Variants in GLIS1 observed in about 807,000 individuals in gnomAD.
GLIS1 encodes the protein zinc finger protein GLIS1.
GLIS1 carries 24 observed loss-of-function variants against 63.8 expected under a neutral mutation model. The ratio of observed to expected loss-of-function variants is 0.38; its 90% CI spans 0.27 to 0.53. The LOEUF (loss-of-function observed/expected upper bound fraction) is 0.53. Ranked by LOEUF, GLIS1 falls within the 20% of genes least tolerant of loss-of-function variation. The pLI is 0.85. For synonymous variants in GLIS1, 450 were observed against 482.5 expected (o/e 0.93, Z 0.88); for missense variants, 1,036 against 1,074.1 (o/e 0.96, Z 0.50).
chr1:53,651,317 T>C (rs907121230), intron 2 of GLIS1, among the ~76,000 whole-genome samples: 2 of 152,258 alleles, frequency 1.3e-5, no homozygotes, highest in African/African-American at 2.4e-5. Context: ...TATTAAGCAG[T>C]TGGCCGTGAA....
intron 4 of GLIS1, among the ~76,000 whole-genome samples, chr1:53,573,297 C>T (rs1557457719): frequency 6.6e-6 from 1 of 152,110 alleles, no homozygotes; most frequent in African/African-American, 2.4e-5. Flanking sequence ...AGAGCTGAAA[C>T]CTATTTCAAT....
rs187416828 is a variant in GLIS1 at position 53,636,996 on chromosome 1, G to A, written c.260-36718C>T. Among the ~76,000 whole-genome samples, 12 of 152,360 alleles carry A rather than the reference G, an allele frequency of 7.9e-5. No individual in the cohort carries two copies. The East Asian group carries it at 1.4e-3, about 17-fold the overall frequency. Reference sequence around the variant, plus strand: ...TCACGTACAACAGGTCGCAGTGAGCGCTTGCTGCAGGACGTGAGGGTGACT... The same window carrying A: ...TCACGTACAACAGGTCGCAGTGAGCACTTGCTGCAGGACGTGAGGGTGACT... On this transcript the variant is annotated intron_variant, in intron 2 of 10. Transcript: ENST00000628545.
intron 2 of GLIS1, among the ~76,000 whole-genome samples, chr1:53,701,005 T>C (rs997247801): frequency 2.0e-5 from 3 of 152,250 alleles, no homozygotes; most frequent in Non-Finnish European, 2.9e-5. Flanking sequence ...CCACATTTTG[T>C]TTATCCATTC....
At chr1:53,660,700 C>T (rs550180647) in intron 2 of GLIS1, among the ~76,000 whole-genome samples, 4 of 152,268 alleles carry the variant, frequency 2.6e-5, no homozygotes, top group African/African-American at 9.6e-5. Flanking sequence ...AGACATGGAC[C>T]CTTGAGCCAC....
chr1:53,608,024 C>T (rs753348397), intron 2 of GLIS1, among the ~76,000 whole-genome samples: 7 of 145,720 alleles, frequency 4.8e-5, no homozygotes, highest in Non-Finnish European at 8.9e-5. Flanking sequence ...TGCAGTGGTG[C>T]GATCATAGCA....
At chr1:53,712,825 G>A (rs916127543) in intron 2 of GLIS1, among the ~76,000 whole-genome samples, 23 of 152,120 alleles carry the variant, frequency 1.5e-4, no homozygotes, top group African/African-American at 4.6e-4. Flanking sequence ...AGCCATCATC[G>A]GCGGTGGGCT....
In GLIS1 at chr1:53,594,310, C is replaced by T. The variant is rs772471069; in HGVS notation, c.1118G>A (p.Arg373His). Residue 373 changes from arginine (R) to histidine (H), a missense_variant, in exon 4 of 11, where the codon CGC (arginine) becomes CAC (histidine). Arg to His is a conservative substitution (Grantham distance 29, BLOSUM62 0). Around this residue, in one of 3 missense-constraint regions of GLIS1, gnomAD observed 592 missense variants for 593.9 expected, o/e 1.00. Coordinates refer to ENST00000628545, the MANE Select transcript of GLIS1 (RefSeq NM_001367484.1). The stretch of plus-strand genomic sequence containing the variant: ...ATAGGCTGCACAGCAGTCCACCCAG[C>T]GGCACGCCTGCCGCCCGGCCACCAC... ...GRVVAGRQACRWVDCCAAYEQ... is the reference protein window; with the variant it reads ...GRVVAGRQACHWVDCCAAYEQ... 1.9e-5 allele frequency: 30 copies of T among 1,612,100 alleles called. No homozygotes were observed. Among genetic ancestry groups the T allele is most frequent in the East Asian group, 4.5e-5 (2 of 44,864 alleles).
intron 4 of GLIS1, among the ~76,000 whole-genome samples, chr1:53,555,306 G>A (rs912918790): frequency 2.0e-5 from 3 of 152,116 alleles, no homozygotes; most frequent in Non-Finnish European, 2.9e-5. Flanking sequence ...CGAGGCGGGC[G>A]GATCACGAGG....
intron 2 of GLIS1, among the ~76,000 whole-genome samples, chr1:53,654,779 C>T (rs746790918): frequency 6.6e-6 from 1 of 151,992 alleles, no homozygotes; most frequent in Non-Finnish European, 1.5e-5. Flanking sequence ...AGCGTCGTGC[C>T]GCTACAGATG....
At chr1:53,643,891 C>A (rs528968896) in intron 2 of GLIS1, among the ~76,000 whole-genome samples, 3 of 152,146 alleles carry the variant, frequency 2.0e-5, no homozygotes, top group African/African-American at 7.2e-5. Context: ...AATCCCCACA[C>A]GATAGAAGAG....
intron 2 of GLIS1, among the ~76,000 whole-genome samples, chr1:53,711,243 G>A (rs762747983): frequency 5.3e-5 from 8 of 152,090 alleles, no homozygotes; most frequent in Non-Finnish European, 1.2e-4. Flanking sequence ...CACACCAAGC[G>A]CTTGGTGATC....
Position 53,529,956 on chromosome 1 carries a change from C to T in GLIS1, c.1321-4G>A, listed in dbSNP as rs369207390. ...AGGCCTTGCTGCAGCCTTCAAACTGCAGGAGAGGCTGGTGAGGGGAACTCC... is the reference window on the plus strand; with the variant it reads ...AGGCCTTGCTGCAGCCTTCAAACTGTAGGAGAGGCTGGTGAGGGGAACTCC... On this transcript the variant is annotated splice_polypyrimidine_tract_variant and splice_region_variant and intron_variant, in intron 4 of 10. Coordinates refer to ENST00000628545, the MANE Select transcript of GLIS1 (RefSeq NM_001367484.1). 1 of 1,612,428 alleles carries T rather than the reference C, an allele frequency of 6.2e-7. No individual in the cohort carries two copies. Among genetic ancestry groups the T allele is most frequent in the African/African-American group, 1.3e-5 (1 of 74,910 alleles).
chr1:53,513,282 C>T (rs78673587), intron 8 of GLIS1, among the ~76,000 whole-genome samples: 2,193 of 152,236 alleles, frequency 0.014, 28 homozygotes, highest in Middle Eastern at 0.041. Flanking sequence ...GCTGTCTGTC[C>T]AGCGCCCCAC....
At chr1:53,687,965 T>C (rs911782718) in intron 2 of GLIS1, among the ~76,000 whole-genome samples, 1 of 152,170 alleles carries the variant, frequency 6.6e-6, no homozygotes, top group African/African-American at 2.4e-5. Flanking sequence ...GCTGTGCCCC[T>C]AGCCCCACCT....
At chr1:53,685,200 G>A (rs902346540) in intron 2 of GLIS1, among the ~76,000 whole-genome samples, 2 of 152,174 alleles carry the variant, frequency 1.3e-5, no homozygotes, top group South Asian at 4.2e-4. Flanking sequence ...CAGCTCACAG[G>A]AGCACTCCCC....
At chr1:53,516,072 C>T (rs1002572416) in intron 7 of GLIS1, among the ~76,000 whole-genome samples, 3 of 151,984 alleles carry the variant, frequency 2.0e-5, no homozygotes, top group Non-Finnish European at 2.9e-5. Context: ...GGGGCTAGCC[C>T]GGGGCTGCAC....
chr1:53,729,703 AC>A (rs1646840815), intron 2 of GLIS1, among the ~76,000 whole-genome samples: 1 of 152,128 alleles, frequency 6.6e-6, no homozygotes, highest in Non-Finnish European at 1.5e-5. Context: ...TGTTTCATAA[AC>A]CTTCTTCGAG....
chr1:53,654,372 C>T (rs1645941262), intron 2 of GLIS1, among the ~76,000 whole-genome samples: 1 of 152,162 alleles, frequency 6.6e-6, no homozygotes, highest in South Asian at 2.1e-4. Flanking sequence ...GTGAGAGGAG[C>T]AGGTCGGGGG....
chr1:53,525,344 A>T (rs1644455223), intron 5 of GLIS1, among the ~76,000 whole-genome samples: 1 of 135,172 alleles, frequency 7.4e-6, no homozygotes, highest in Non-Finnish European at 1.6e-5. Flanking sequence ...CACTGACCGC[A>T]CCTTGCAGGT....
Sources: gnomAD v4.1 joint callset for allele counts (sites outside exome capture counted in the v4.1 genomes callset) on GRCh38, gnomAD v4.1.1 for gene constraint, gnomAD v4.1.1 regional missense constraint, MANE v1.5 for transcripts, NCBI Gene and HGNC (gene_info 2026-07-23, HGNC 2026-07-21) for gene names.